The following RBM10 variants were observed in gnomAD, a reference collection of about 807,000 sequenced individuals.
RBM10 encodes RNA binding motif protein 10.
RBM10 carries 1 observed loss-of-function variant against 84.9 expected under a neutral mutation model. That is an observed-to-expected ratio of 0.01 (90% CI 0.00 to 0.06). The LOEUF is 0.06. Ranked by LOEUF, RBM10 falls within the 10% of genes least tolerant of loss-of-function variation. The pLI is 1.00. For synonymous variants in RBM10, 326 were observed against 344.5 expected, an observed-to-expected ratio of 0.95 and a Z score of 0.60; for missense variants, 438 against 839.0, an observed-to-expected ratio of 0.52 and a Z score of 5.90.
rs1934468199 is a variant in RBM10 at position 47,169,397 on chromosome X, C to T, written c.100C>T (p.His34Tyr). The T allele has an allele frequency of 2.5e-6, 3 of 1,211,911 alleles. No homozygotes were observed. Among genetic ancestry groups the T allele is most frequent in the Non-Finnish European group, 3.4e-6 (3 of 895,427 alleles). The change falls in exon 3 of 24, where the codon CAC (histidine) becomes TAC (tyrosine). Residue 34 changes from histidine (H) to tyrosine (Y), a missense_variant. By Grantham distance (83) the His-to-Tyr change is moderately conservative. Transcript: ENST00000377604. ...TGGTGGGGAGAACCGCAGCCGAGAC[C>T]ACGACTACCGGGACATGGACTACCG... The part of the protein sequence containing the change: ...DDGGENRSRD[H>Y]DYRDMDYRSY...
At chrX:47,184,680 C>T (rs925773354) in intron 17 of RBM10, among the ~76,000 whole-genome samples, 2 of 111,401 alleles carry the variant, frequency 1.8e-5, no homozygotes, top group East Asian at 5.6e-4. Context: ...TCTGCCACCT[C>T]ACCATTGCAA....
At position 47,169,495 on chromosome X, in the gene RBM10, G is replaced by A. The variant is rs782584347; in HGVS notation, c.198G>A (p.Ala66=). ...ACGACTCATCTGAGGAGCAGAGTGC[G>A]GAGGTGAGGAGGGGGCGCGCTGCGC... The part of the protein sequence containing the change: ...DYDDSSEEQS[A]EDSYEASPGS... Residue 66 remains alanine (A), a synonymous_variant, in exon 3 of 24, where the codon GCG becomes GCA. Coordinates refer to ENST00000377604, the MANE Select transcript of RBM10 (RefSeq NM_005676.5). 1.7e-5 allele frequency: 21 copies of A among 1,205,007 alleles called. No homozygotes were observed. The highest frequency in any genetic ancestry group is 3.0e-5 in the East Asian group (1 of 33,544).
In RBM10 at chrX:47,182,036, C is replaced by A. The variant is rs782670593; in HGVS notation, c.1779C>A (p.Asn593Lys). ...DPQTGLYYDPNSQYYYNAQSQ... is the reference protein window; with the variant it reads ...DPQTGLYYDPKSQYYYNAQSQ... ...AGACCGGCCTCTACTATGACCCCAA[C>A]TCCCAGGTAATAGGGCAGCCCAGGG... The change falls in exon 16 of 24, where the codon AAC (asparagine) becomes AAA (lysine). Residue 593 changes from asparagine to lysine, a missense_variant. Physicochemically the swap from Asn to Lys is moderately conservative, Grantham distance 94. Around this residue, in one of 8 missense-constraint regions of RBM10, gnomAD observed 39 missense variants for 119.5 expected, o/e 0.33. Transcript: ENST00000377604. 1.7e-6 allele frequency: 2 copies of A among 1,209,631 alleles called. No homozygotes were observed. Among genetic ancestry groups the A allele is most frequent in the African/African-American group, 3.5e-5 (2 of 57,040 alleles).
chrX:47,171,083 A>G lies in RBM10; in HGVS notation c.257A>G (p.His86Arg), dbSNP rs1459036800. The change falls in exon 4 of 24, where the codon CAC becomes CGC. Residue 86 changes from histidine to arginine, a missense_variant. Around this residue, in one of 8 missense-constraint regions of RBM10, gnomAD observed 92 missense variants for 134.3 expected, o/e 0.69. Transcript: ENST00000377604. ...ACTCAGCGTAGGCGGCGGCGGCGGC[A>G]CAGGCACAGCCCCACCGGCCCGCCA... ...SETQRRRRRR[H>R]RHSPTGPPGF... 6 of 1,210,880 alleles carry G rather than the reference A, an allele frequency of 5.0e-6. No homozygotes were observed. Among genetic ancestry groups the G allele is most frequent in the African/African-American group, 1.7e-5 (1 of 57,801 alleles).
At chrX:47,154,858 C>G in intron 2 of RBM10, among the ~76,000 whole-genome samples, 1 of 109,465 alleles carries the variant, frequency 9.1e-6, no homozygotes, top group Non-Finnish European at 1.9e-5. Context: ...GGTAGGGAAA[C>G]AATTTGGGGC....
chrX:47,166,408 A>G (rs1156667463), intron 2 of RBM10, among the ~76,000 whole-genome samples: 14 of 111,894 alleles, frequency 1.3e-4, no homozygotes, highest in African/African-American at 4.5e-4. Context: ...TGTCTCAAGT[A>G]AAATAAAATT....
At chrX:47,155,730 C>CAAAA (rs1245227933) in intron 2 of RBM10, among the ~76,000 whole-genome samples, 1 of 28,793 alleles carries the variant, frequency 3.5e-5, no homozygotes. Context: ...GACTCCATCT[C>CAAAA]AAAAAAAAAA....
rs1316591274 is a variant in RBM10, at chrX:47,181,963, T to C, written c.1706T>C (p.Val569Ala). The change falls in exon 16 of 24, where the codon GTC becomes GCC. Residue 569 changes from valine (V) to alanine (A), a missense_variant. Around this residue, in one of 8 missense-constraint regions of RBM10, gnomAD observed 39 missense variants for 119.5 expected, o/e 0.33. Coordinates refer to ENST00000377604, the MANE Select transcript of RBM10 (RefSeq NM_005676.5). ...CCTCACCCCCTAGCTGTTCCCGACG[T>C]CTCTACCTACCAGTACGATGAGACC... ...ESYSQYPVPDVSTYQYDETSG... is the reference protein window; with the variant it reads ...ESYSQYPVPDASTYQYDETSG... 7 of 1,208,832 alleles carry C rather than the reference T, an allele frequency of 5.8e-6. No homozygotes were observed. Among genetic ancestry groups the C allele is most frequent in the Non-Finnish European group, 7.8e-6 (7 of 894,938 alleles).
intron 1 of RBM10, 79 bp downstream of exon 1, chrX:47,145,564 C>T: frequency 1.2e-6 from 1 of 853,763 alleles, no homozygotes; most frequent in Non-Finnish European, 1.5e-6. Flanking sequence ...GGGCGGACTT[C>T]GGGTCGGGGG....
chrX:47,170,011 G>A (rs1020889744), intron 3 of RBM10, among the ~76,000 whole-genome samples: 4 of 112,977 alleles, frequency 3.5e-5, no homozygotes, highest in Middle Eastern at 4.2e-3. Flanking sequence ...ACCCTAGCCT[G>A]CGGGATGAGG....
intron 7 of RBM10, 132 bp downstream of exon 7, chrX:47,176,718 C>T: frequency 1.4e-6 from 1 of 723,484 alleles, no homozygotes; most frequent in South Asian, 3.7e-5. Flanking sequence ...CCCTCTGTCT[C>T]TCTCTCTCTC....
At chrX:47,170,914 C>A (rs1025612492) in intron 3 of RBM10, 114 bp from the exon 4 acceptor site, 2 of 759,376 alleles carry the variant, frequency 2.6e-6, no homozygotes, top group Non-Finnish European at 4.0e-6. Context: ...TTAGCCGGAG[C>A]CCGCACATCC....
chrX:47,180,695 C>T (rs1276215675), intron 12 of RBM10, among the ~76,000 whole-genome samples, 189 bp downstream of exon 12: 2 of 111,495 alleles, frequency 1.8e-5, no homozygotes, highest in Non-Finnish European at 1.9e-5. Flanking sequence ...TCATCATCAC[C>T]GCAGCTTTCT....
At chrX:47,176,372 C>T (rs781972791) in intron 6 of RBM10, 128 bp from the exon 7 acceptor site, 2 of 1,120,512 alleles carry the variant, frequency 1.8e-6, no homozygotes, top group East Asian at 3.2e-5. Flanking sequence ...CATCCGCTCT[C>T]CGACCTCCCT....
chrX:47,185,171 T>C lies in RBM10; in HGVS notation c.2067T>C (p.Thr689=). The change falls in exon 18 of 24, where the codon ACT becomes ACC. Residue 689 remains threonine (T), a synonymous_variant. Transcript: ENST00000377604. Reference sequence around the variant, plus strand: ...ATGACGAGAGGCGGGAGTCAGCCACTGCAGATGCTGGCTATGCCATCCTCG... The same window carrying C: ...ATGACGAGAGGCGGGAGTCAGCCACCGCAGATGCTGGCTATGCCATCCTCG... ...LRDDERRESA[T]ADAGYAILEK... is the part of the protein sequence containing the mutation. 8.2e-7 allele frequency: 1 copy of C among 1,212,369 alleles called. No individual in the cohort carries two copies. Among genetic ancestry groups the C allele is most frequent in the Non-Finnish European group, 1.1e-6 (1 of 895,611 alleles).
intron 6 of RBM10, among the ~76,000 whole-genome samples, chrX:47,176,092 C>T (rs1935115497): frequency 8.9e-6 from 1 of 112,608 alleles, no homozygotes; most frequent in South Asian, 3.6e-4. Flanking sequence ...CGCACCTGCG[C>T]TCTCTTTCTC....
At chrX:47,160,687 G>T (rs532126003) in intron 2 of RBM10, among the ~76,000 whole-genome samples, 5 of 111,741 alleles carry the variant, frequency 4.5e-5, no homozygotes, top group African/African-American at 1.6e-4. Context: ...AAGCAGTTTC[G>T]AGATTTTTTT....
At chrX:47,152,979 T>G (rs1556764107) in intron 2 of RBM10, among the ~76,000 whole-genome samples, 3 of 111,356 alleles carry the variant, frequency 2.7e-5, no homozygotes, top group Non-Finnish European at 5.7e-5. Flanking sequence ...CCCAAGTAGC[T>G]GGGATTACAG....
chrX:47,181,376 A>T lies in RBM10; in HGVS notation c.1410A>T (p.Gly470=), dbSNP rs2147186093. The T allele has an allele frequency of 2.5e-6, 3 of 1,207,146 alleles. No homozygotes were observed. Among genetic ancestry groups the T allele is most frequent in the Non-Finnish European group, 3.4e-6 (3 of 892,877 alleles). Residue 470 remains glycine (G), a synonymous_variant, in exon 13 of 24, where the codon GGA becomes GGT. Transcript: ENST00000377604. The part of the protein sequence containing the change: ...LKGTKGPGIT[G]TKGDPTGAGP... ...GCACCAAGGGCCCTGGCATCACTGG[A>T]ACCAAAGGGGATCCCACTGGAGCAG...
Sources: gnomAD v4.1 joint callset for allele counts (sites outside exome capture counted in the v4.1 genomes callset) on GRCh38, gnomAD v4.1.1 for gene constraint, gnomAD v4.1.1 regional missense constraint, MANE v1.5 for transcripts, NCBI Gene and HGNC (gene_info 2026-07-23, HGNC 2026-07-21) for gene names.